CNTNAP2: variants seen among roughly 807,000 people sequenced by gnomAD.
CNTNAP2 encodes the protein contactin associated protein 2, also known as contactin-associated protein-like 2.
CNTNAP2 carries 98 observed loss-of-function variants against 155.2 expected under a neutral mutation model. That is an observed-to-expected ratio of 0.63 (90% CI 0.54 to 0.75). CNTNAP2 has a LOEUF of 0.75. Ranked by LOEUF, CNTNAP2 falls within the 30% of genes least tolerant of loss-of-function variation. The probability of loss-of-function intolerance (pLI) is 0.00; values close to 1 mark genes in which losing one functional copy is unlikely to be tolerated. For synonymous variants in CNTNAP2, 651 were observed against 631.2 expected (o/e 1.03, Z -0.47); for missense variants, 1,727 against 1,688.1 (o/e 1.02, Z -0.40).
intron 3 of CNTNAP2, among the ~76,000 whole-genome samples, chr7:146,940,717 A>ACACACC (rs3081739): frequency 6.6e-5 from 10 of 151,032 alleles, no homozygotes; most frequent in African/African-American, 2.4e-4. Flanking sequence ...ACACACACAC[A>ACACACC]ATATGGTGTG....
chr7:146,921,598 CT>C (rs1163740565), intron 3 of CNTNAP2, among the ~76,000 whole-genome samples: 3 of 152,076 alleles, frequency 2.0e-5, no homozygotes, highest in Non-Finnish European at 2.9e-5. Flanking sequence ...GACATGAGAG[CT>C]TGTGCGGGGG....
intron 13 of CNTNAP2, among the ~76,000 whole-genome samples, chr7:147,745,975 CTGTATA>C (rs1797035691): frequency 6.6e-6 from 1 of 152,134 alleles, no homozygotes; most frequent in Non-Finnish European, 1.5e-5. Context: ...GGGGTGTAAT[CTGTATA>C]ATTGTTTAAC....
At chr7:148,242,230 A>G (rs879220434) in intron 20 of CNTNAP2, among the ~76,000 whole-genome samples, 5 of 152,206 alleles carry the variant, frequency 3.3e-5, no homozygotes, top group Admixed American at 3.3e-4. Flanking sequence ...TTTTAGCACA[A>G]TGGGCAGAGC....
At chr7:147,389,412 GCTTTTTCTGTCCC>G (rs1796673113) in intron 9 of CNTNAP2, among the ~76,000 whole-genome samples, 7 of 152,120 alleles carry the variant, frequency 4.6e-5, no homozygotes, top group African/African-American at 1.7e-4. Flanking sequence ...TCCACCGTTT[GCTTTTTCTGTCCC>G]ATCAGATGAA....
At chr7:148,191,068 G>T (rs1585178102) in intron 18 of CNTNAP2, among the ~76,000 whole-genome samples, 1 of 152,268 alleles carries the variant, frequency 6.6e-6, no homozygotes, top group East Asian at 1.9e-4. Context: ...CTGTGCTAAG[G>T]ATTGAATGTG....
At chr7:147,073,420 A>G (rs1406369351) in intron 4 of CNTNAP2, among the ~76,000 whole-genome samples, 1 of 152,156 alleles carries the variant, frequency 6.6e-6, no homozygotes, top group Non-Finnish European at 1.5e-5. Context: ...TACGGCATCT[A>G]CAAGGTGTTG....
At chr7:146,673,229 C>T (rs974902004) in intron 1 of CNTNAP2, among the ~76,000 whole-genome samples, 16 of 152,142 alleles carry the variant, frequency 1.1e-4, no homozygotes, top group African/African-American at 3.6e-4. Context: ...TGTGTTATAA[C>T]ATTTCCTGTA....
At chr7:148,179,745 G>GGAAGGAGAGAGAGA (rs1795004638) in intron 18 of CNTNAP2, among the ~76,000 whole-genome samples, 1 of 150,444 alleles carries the variant, frequency 6.6e-6, no homozygotes, top group African/African-American at 2.4e-5. Flanking sequence ...AGAGAAGGAA[G>GGAAGGAGAGAGAGA]GAAGGAGAGA....
intron 11 of CNTNAP2, among the ~76,000 whole-genome samples, chr7:147,488,396 A>G (rs1267994033): frequency 6.6e-6 from 1 of 152,200 alleles, no homozygotes; most frequent in Admixed American, 6.5e-5. Flanking sequence ...TTGGTATTCT[A>G]CAAGCCAGTG....
intron 14 of CNTNAP2, among the ~76,000 whole-genome samples, chr7:147,955,173 C>T (rs2116835148): frequency 6.6e-6 from 1 of 152,294 alleles, no homozygotes; most frequent in South Asian, 2.1e-4. Flanking sequence ...ATAATGATCA[C>T]ACTTTTTAAA....
At chr7:146,337,726 C>A (rs536969124) in intron 1 of CNTNAP2, among the ~76,000 whole-genome samples, 1 of 152,096 alleles carries the variant, frequency 6.6e-6, no homozygotes, top group African/African-American at 2.4e-5. Context: ...TGCTTTCCAG[C>A]CTCCCAAAGT....
At chr7:147,889,229 C>G (rs1449486454) in intron 13 of CNTNAP2, among the ~76,000 whole-genome samples, 1 of 151,726 alleles carries the variant, frequency 6.6e-6, no homozygotes, top group Non-Finnish European at 1.5e-5. Flanking sequence ...AATACTTAAA[C>G]ATTAGTAACA....
At chr7:146,941,231 AT>A (rs1797049723) in intron 3 of CNTNAP2, among the ~76,000 whole-genome samples, 1 of 151,960 alleles carries the variant, frequency 6.6e-6, no homozygotes, top group Non-Finnish European at 1.5e-5. Context: ...TAGTGGTACA[AT>A]TATTTTGTTG....
At chr7:146,302,389 C>A (rs1800627144) in intron 1 of CNTNAP2, among the ~76,000 whole-genome samples, 1 of 152,084 alleles carries the variant, frequency 6.6e-6, no homozygotes, top group South Asian at 2.1e-4. Flanking sequence ...TGTGATCTTT[C>A]ATTCACTTAG....
At chr7:147,088,870 G>A (rs977243710) in intron 4 of CNTNAP2, among the ~76,000 whole-genome samples, 4 of 152,128 alleles carry the variant, frequency 2.6e-5, no homozygotes, top group Admixed American at 2.0e-4. Flanking sequence ...CTTGAGCCCC[G>A]GAGTTCAAGG....
intron 13 of CNTNAP2, among the ~76,000 whole-genome samples, chr7:147,701,525 A>G (rs1312919520): frequency 6.6e-6 from 1 of 152,190 alleles, no homozygotes; most frequent in Non-Finnish European, 1.5e-5. Context: ...TTACATATCC[A>G]AACAGAGTAT....
At chr7:148,227,096 G>A (rs1174023191) in intron 19 of CNTNAP2, among the ~76,000 whole-genome samples, 3 of 152,112 alleles carry the variant, frequency 2.0e-5, no homozygotes, top group African/African-American at 7.2e-5. Flanking sequence ...TGGTCTTTGG[G>A]GACTGCAAGA....
intron 8 of CNTNAP2, among the ~76,000 whole-genome samples, chr7:147,243,780 G>T (rs1803994016): frequency 6.6e-6 from 1 of 151,884 alleles, no homozygotes; most frequent in African/African-American, 2.4e-5. Flanking sequence ...ATATCATTTT[G>T]CAAAATATTA....
At chr7:146,913,231 GT>G (rs1562999257) in intron 3 of CNTNAP2, among the ~76,000 whole-genome samples, 2 of 152,138 alleles carry the variant, frequency 1.3e-5, no homozygotes, top group Non-Finnish European at 2.9e-5. Context: ...AGTTGGCCAG[GT>G]TAGCTGACGT....
Sources: gnomAD v4.1 joint callset for allele counts (sites outside exome capture counted in the v4.1 genomes callset) on GRCh38, gnomAD v4.1.1 for gene constraint, MANE v1.5 for transcripts, NCBI Gene and HGNC (gene_info 2026-07-23, HGNC 2026-07-21) for gene names.